AGMO: variants seen among roughly 807,000 people sequenced by gnomAD.
AGMO encodes the protein glyceryl-ether monooxygenase.
A neutral mutation model predicts 60.2 loss-of-function variants in AGMO; 75 were observed. The observed-to-expected ratio is 1.25, with a 90% CI of 1.03 to 1.51. AGMO has a LOEUF of 1.51. Ranked by LOEUF, AGMO falls within the 40% of genes most tolerant of loss-of-function variation. The pLI, the probability that AGMO is intolerant of heterozygous loss-of-function variation, is 0.00. For synonymous variants in AGMO, 261 were observed against 177.1 expected, an observed-to-expected ratio of 1.47 and a Z score of -3.76; for missense variants, 763 against 525.5, an observed-to-expected ratio of 1.45 and a Z score of -4.42.
intron 10 of AGMO, among the ~76,000 whole-genome samples, chr7:15,383,491 C>T (rs1257983312): frequency 2.1e-5 from 2 of 96,642 alleles, no homozygotes; most frequent in Non-Finnish European, 4.6e-5. Flanking sequence ...TTCAAGAAAC[C>T]TCCTTTCCTT....
At chr7:15,193,243 A>G in the AGMO span, among the ~76,000 whole-genome samples, 3 of 77,706 alleles carry the variant, frequency 3.9e-5, no homozygotes, top group African/African-American at 2.9e-4. Context: ...AATGTATGAT[A>G]TTTTCTAATT....
At chr7:15,543,126 A>C (rs956324069) in intron 3 of AGMO, among the ~76,000 whole-genome samples, 1 of 152,064 alleles carries the variant, frequency 6.6e-6, no homozygotes. Flanking sequence ...TATTAGTATT[A>C]TTCCAGGTTC....
chr7:15,550,680 T>C (rs1311589737), intron 2 of AGMO, among the ~76,000 whole-genome samples: 1 of 148,506 alleles, frequency 6.7e-6, no homozygotes, highest in Non-Finnish European at 1.5e-5. Flanking sequence ...AATCAATAGT[T>C]TACCAACCAA....
intron 12 of AGMO, among the ~76,000 whole-genome samples, chr7:15,215,519 C>T (rs10081260): frequency 0.11 from 16,849 of 151,930 alleles, 1,030 homozygotes; most frequent in African/African-American, 0.14. Flanking sequence ...TCAAAACACA[C>T]ACAGTGGAAC....
At chr7:15,520,203 G>A (rs1333451141) in intron 3 of AGMO, among the ~76,000 whole-genome samples, 1 of 151,956 alleles carries the variant, frequency 6.6e-6, no homozygotes, top group Non-Finnish European at 1.5e-5. Flanking sequence ...TAAAGCAAGT[G>A]CTTAGAGACC....
chr7:15,176,347 G>A, the AGMO span, among the ~76,000 whole-genome samples: 17 of 151,842 alleles, frequency 1.1e-4, no homozygotes, highest in Non-Finnish European at 2.5e-4. Flanking sequence ...AACTGACTCA[G>A]TTTTTCCCTT....
intron 3 of AGMO, among the ~76,000 whole-genome samples, chr7:15,526,514 GT>G (rs1389889468): frequency 6.6e-6 from 1 of 152,014 alleles, no homozygotes; most frequent in Non-Finnish European, 1.5e-5. Flanking sequence ...TGAGTTATGC[GT>G]TTGCCTGTAA....
rs143095935 is a variant in AGMO at position 15,485,365 on chromosome 7, A to T, written c.410-54257T>A. 7.2e-3 allele frequency among the ~76,000 whole-genome samples: 1,094 copies of T among 152,114 alleles called. 17 individuals carry two copies. Among genetic ancestry groups the T allele is most frequent in the African/African-American group, 0.025 (1,039 of 41,512 alleles). The stretch of plus-strand genomic sequence containing the variant: ...TGAAAAATGAGTTTTAAGTAGGAAA[A>T]ATTGAGAAGAGTAAATGAAGAGAGA... On this transcript the variant is annotated intron_variant, in intron 3 of 12. Coordinates refer to ENST00000342526, the MANE Select transcript of AGMO (RefSeq NM_001004320.2).
At chr7:15,543,411 C>T (rs1029802489) in intron 3 of AGMO, among the ~76,000 whole-genome samples, 2 of 152,092 alleles carry the variant, frequency 1.3e-5, no homozygotes, top group Admixed American at 1.3e-4. Flanking sequence ...TCCCAAAAAG[C>T]AAATTCAGTG....
At chr7:15,352,602 G>A (rs989093565) in intron 12 of AGMO, among the ~76,000 whole-genome samples, 2 of 151,858 alleles carry the variant, frequency 1.3e-5, no homozygotes, top group Admixed American at 6.6e-5. Flanking sequence ...GTCAATTGGC[G>A]GGAGCATCTG....
chr7:15,156,285 G>T, the AGMO span, among the ~76,000 whole-genome samples: 1 of 152,204 alleles, frequency 6.6e-6, no homozygotes, highest in African/African-American at 2.4e-5. Flanking sequence ...AAGAGCTATG[G>T]CAGTGGCTGC....
chr7:15,557,542 G>A (rs57151898), intron 2 of AGMO, among the ~76,000 whole-genome samples: 1 of 151,844 alleles, frequency 6.6e-6, no homozygotes, highest in Non-Finnish European at 1.5e-5. Context: ...AGGGGATTGA[G>A]AGGAATGGAT....
chr7:15,295,509 G>C (rs1784385023), intron 12 of AGMO, among the ~76,000 whole-genome samples: 1 of 151,966 alleles, frequency 6.6e-6, no homozygotes, highest in South Asian at 2.1e-4. Context: ...GGTGATAGTG[G>C]GAGGAGGCAG....
chr7:15,342,004 G>C (rs370474391), intron 12 of AGMO, among the ~76,000 whole-genome samples: 2 of 151,782 alleles, frequency 1.3e-5, no homozygotes, highest in East Asian at 3.9e-4. Flanking sequence ...TGAGATTTGG[G>C]TGGAGACACA....
In AGMO at chr7:15,362,132, G is replaced by A. The variant is rs565265401; in HGVS notation, c.1263+3382C>T. Reference sequence around the variant, plus strand: ...TAGGTTTCTATACTTATTGTTTGAAGAACAGTTTTAATAAAAGAACAGTTT... The same window carrying A: ...TAGGTTTCTATACTTATTGTTTGAAAAACAGTTTTAATAAAAGAACAGTTT... On this transcript the variant is annotated intron_variant, in intron 12 of 12. Coordinates refer to ENST00000342526, the MANE Select transcript of AGMO (RefSeq NM_001004320.2). Among the ~76,000 whole-genome samples the A allele has an allele frequency of 2.6e-5, 4 of 152,172 alleles. No homozygotes were observed. In the East Asian group the frequency reaches 7.7e-4, roughly 29 times the overall value.
chr7:15,205,072 T>C (rs1240582802), intron 12 of AGMO, among the ~76,000 whole-genome samples: 1 of 152,292 alleles, frequency 6.6e-6, no homozygotes, highest in Middle Eastern at 3.4e-3. Flanking sequence ...GGAGAGAGAA[T>C]AGTGTGCTTG....
At chr7:15,346,183 T>G (rs753497133) in intron 12 of AGMO, among the ~76,000 whole-genome samples, 1 of 152,130 alleles carries the variant, frequency 6.6e-6, no homozygotes, top group Non-Finnish European at 1.5e-5. Flanking sequence ...CATCTCAAAC[T>G]GCATATACAG....
chr7:15,307,469 T>C (rs1780649556), intron 12 of AGMO, among the ~76,000 whole-genome samples: 1 of 152,020 alleles, frequency 6.6e-6, no homozygotes, highest in Admixed American at 6.6e-5. Flanking sequence ...AGGACTCTAG[T>C]TGATTTGTTT....
chr7:15,189,615 A>C, the AGMO span, among the ~76,000 whole-genome samples: 1 of 152,090 alleles, frequency 6.6e-6, no homozygotes, highest in Non-Finnish European at 1.5e-5. Context: ...TCCTATCAGC[A>C]ACATTCACAG....
Sources: allele counts gnomAD v4.1 joint callset (sites outside exome capture counted in the v4.1 genomes callset), GRCh38; gene constraint gnomAD v4.1.1; transcripts MANE v1.5; gene names NCBI Gene and HGNC (gene_info 2026-07-23, HGNC 2026-07-21).